The following EPHA5 variants were observed in gnomAD, a reference collection of about 807,000 sequenced individuals.
EPHA5 encodes EPH receptor A5, also known as ephrin type-A receptor 5.
Under a neutral mutation model 105.0 loss-of-function variants are expected in EPHA5, and 60 were observed. The ratio of observed to expected loss-of-function variants is 0.57; its 90% CI spans 0.46 to 0.71. The LOEUF (loss-of-function observed/expected upper bound fraction) is 0.71. Among genes scored for constraint, EPHA5 ranks in the 30% least tolerant of loss-of-function variants. The probability of loss-of-function intolerance (pLI) is 0.00; values close to 1 mark genes in which losing one functional copy is unlikely to be tolerated. For synonymous variants in EPHA5, 513 were observed against 449.1 expected (o/e 1.14, Z -1.80); for missense variants, 1,218 against 1,274.7 (o/e 0.96, Z 0.68).
intron 1 of EPHA5, among the ~76,000 whole-genome samples, chr4:65,659,667 A>T (rs1749392722): frequency 6.6e-6 from 1 of 152,140 alleles, no homozygotes; most frequent in Admixed American, 6.6e-5. Context: ...CCAGTAAGTC[A>T]ATAATAAATG....
intron 8 of EPHA5, among the ~76,000 whole-genome samples, chr4:65,387,024 C>T (rs1031955683): frequency 6.6e-6 from 1 of 151,678 alleles, no homozygotes; most frequent in African/African-American, 2.4e-5. Context: ...CAAATCAGGG[C>T]ATTCATCTAA....
Position 65,323,641 on chromosome 4 carries a change from A to G in EPHA5, c.*473T>C, listed in dbSNP as rs934296787. On this transcript the variant is annotated 3_prime_UTR_variant, in exon 17 of 17. Transcript: ENST00000613740. ...ATCTATTAAGAAATAATCTAATCATATTGCTCTTCAATACACTTTTGTAGA... is the reference window on the plus strand; with the variant it reads ...ATCTATTAAGAAATAATCTAATCATGTTGCTCTTCAATACACTTTTGTAGA... 4.3e-6 allele frequency: 1 copy of G among 230,424 alleles called. No homozygotes were observed. The highest frequency in any genetic ancestry group is 1.3e-3 in the Middle Eastern group (1 of 772). 14.3% of individuals were successfully genotyped at this position (230,424 alleles called of 1,614,324 possible).
At chr4:65,644,092 T>A (rs1312541915) in intron 1 of EPHA5, among the ~76,000 whole-genome samples, 2 of 151,988 alleles carry the variant, frequency 1.3e-5, no homozygotes, top group African/African-American at 4.8e-5. Context: ...CTAAAAAGGA[T>A]GTTTCATGTA....
Position 65,375,871 on chromosome 4 carries a change from G to C in EPHA5, c.1794-8447C>G, listed in dbSNP as rs1227952549. On this transcript the variant is annotated intron_variant, in intron 8 of 16. Coordinates refer to ENST00000613740, the MANE Select transcript of EPHA5 (RefSeq NM_001281766.3). ...CCAGATTTTAGTTTGTATTTAGTTT[G>C]ACACTGAAGCCCCATGCTCATAAGA... Among the ~76,000 whole-genome samples, 68 of 151,534 alleles carry C rather than the reference G, an allele frequency of 4.5e-4. No individual in the cohort carries two copies. The Admixed American group carries it at 4.5e-3, about 10-fold the overall frequency.
At chr4:65,465,535 AGGAAAGGAAGGAAAGGAAG>A (rs1728614880) in intron 5 of EPHA5, among the ~76,000 whole-genome samples, 1 of 71,290 alleles carries the variant, frequency 1.4e-5, no homozygotes, top group African/African-American at 5.8e-5. Flanking sequence ...AAGAAAAGAA[AGGAAAGGAAGGAAAGGAAG>A]GAAAGGAAGG....
chr4:65,500,806 C>T (rs1732410078), intron 3 of EPHA5, among the ~76,000 whole-genome samples: 1 of 113,678 alleles, frequency 8.8e-6, no homozygotes, highest in Non-Finnish European at 1.8e-5. Context: ...TTAAAATATA[C>T]AGCCATATAT....
intron 5 of EPHA5, among the ~76,000 whole-genome samples, chr4:65,460,655 G>T (rs1359389399): frequency 6.6e-6 from 1 of 151,636 alleles, no homozygotes; most frequent in African/African-American, 2.4e-5. Flanking sequence ...TAGGCAGGTA[G>T]ATAAAAATTA....
chr4:65,571,282 C>A (rs2149375524), intron 3 of EPHA5, among the ~76,000 whole-genome samples: 1 of 150,722 alleles, frequency 6.6e-6, no homozygotes, highest in South Asian at 2.1e-4. Context: ...ACAATATGGC[C>A]CACTCACTAG....
At chr4:65,521,733 T>C (rs531973738) in intron 3 of EPHA5, among the ~76,000 whole-genome samples, 1 of 152,190 alleles carries the variant, frequency 6.6e-6, no homozygotes, top group South Asian at 2.1e-4. Context: ...TGAGTCAGTG[T>C]TGCTGAAATA....
At chr4:65,456,727 C>T (rs949797171) in intron 5 of EPHA5, among the ~76,000 whole-genome samples, 36 of 151,148 alleles carry the variant, frequency 2.4e-4, no homozygotes, top group African/African-American at 4.6e-4. Context: ...AACATATACA[C>T]ACACACACAC....
intron 1 of EPHA5, among the ~76,000 whole-genome samples, chr4:65,650,810 A>G (rs1311504007): frequency 6.6e-6 from 1 of 152,166 alleles, no homozygotes; most frequent in Non-Finnish European, 1.5e-5. Flanking sequence ...GATGCTTAAC[A>G]CTTTCTTCAA....
chr4:65,503,881 CA>C, intron 3 of EPHA5, among the ~76,000 whole-genome samples: 1 of 146,808 alleles, frequency 6.8e-6, no homozygotes, highest in East Asian at 2.0e-4. Flanking sequence ...TCATTCAAGA[CA>C]ATTTTAATAG....
chr4:65,576,463 A>T (rs2149389224), intron 3 of EPHA5, among the ~76,000 whole-genome samples: 1 of 152,332 alleles, frequency 6.6e-6, no homozygotes, highest in Non-Finnish European at 1.5e-5. Flanking sequence ...AAAGAATGTT[A>T]TGTTCTGCAA....
intron 2 of EPHA5, among the ~76,000 whole-genome samples, chr4:65,638,757 A>C (rs1462559346): frequency 6.6e-6 from 1 of 152,188 alleles, no homozygotes; most frequent in Non-Finnish European, 1.5e-5. Flanking sequence ...AGAAATATTC[A>C]GGTAAATATT....
intron 5 of EPHA5, among the ~76,000 whole-genome samples, chr4:65,473,150 T>A (rs968191564): frequency 1.3e-5 from 2 of 152,178 alleles, no homozygotes; most frequent in African/African-American, 4.8e-5. Flanking sequence ...CACCTCATAC[T>A]GGACTTCATT....
intron 14 of EPHA5, among the ~76,000 whole-genome samples, chr4:65,343,278 T>C (rs1441379546): frequency 3.3e-5 from 5 of 152,188 alleles, no homozygotes; most frequent in Admixed American, 6.5e-5. Flanking sequence ...GAGTTCATGG[T>C]CTGGTATTTA....
chr4:65,445,182 C>A (rs1403414647), intron 5 of EPHA5, among the ~76,000 whole-genome samples: 2 of 151,974 alleles, frequency 1.3e-5, no homozygotes, highest in East Asian at 3.9e-4. Flanking sequence ...TCAATCTATA[C>A]TTTAAAAACC....
chr4:65,485,673 T>C (rs1730813294), intron 5 of EPHA5, among the ~76,000 whole-genome samples: 1 of 152,162 alleles, frequency 6.6e-6, no homozygotes, highest in Non-Finnish European at 1.5e-5. Context: ...AACACACCTA[T>C]TTTTCCTTCT....
chr4:65,649,825 C>T (rs1404552875), intron 1 of EPHA5, among the ~76,000 whole-genome samples: 1 of 152,264 alleles, frequency 6.6e-6, no homozygotes, highest in South Asian at 2.1e-4. Context: ...GACAAACAAT[C>T]TCACTTTTCA....
Sources: allele counts gnomAD v4.1 joint callset (sites outside exome capture counted in the v4.1 genomes callset), GRCh38; gene constraint gnomAD v4.1.1; transcripts MANE v1.5; gene names NCBI Gene and HGNC (gene_info 2026-07-23, HGNC 2026-07-21).